The following KALRN variants were observed in gnomAD, a reference collection of about 807,000 sequenced individuals.
KALRN encodes the protein kalirin.
In KALRN, 70 loss-of-function variants were observed where a neutral mutation model predicts 353.7. The ratio of observed to expected loss-of-function variants is 0.20; its 90% CI spans 0.16 to 0.24. KALRN has a LOEUF of 0.24. KALRN is among the 10% of genes least tolerant of loss of function. KALRN has a pLI of 1.00. For synonymous variants in KALRN, 1,391 were observed against 1,434.8 expected, an observed-to-expected ratio of 0.97 and a Z score of 0.69; for missense variants, 2,791 against 3,756.7, an observed-to-expected ratio of 0.74 and a Z score of 6.72.
At chr3:124,626,690 G>A (rs1375301862) in intron 34 of KALRN, among the ~76,000 whole-genome samples, 1 of 152,212 alleles carries the variant, frequency 6.6e-6, no homozygotes, top group East Asian at 1.9e-4. Context: ...GCCTAGGGAT[G>A]CCTAGATGCT....
intron 34 of KALRN, among the ~76,000 whole-genome samples, chr3:124,565,004 C>T (rs950426930): frequency 3.9e-5 from 6 of 152,238 alleles, no homozygotes; most frequent in Admixed American, 3.9e-4. Context: ...GGACGAGGGT[C>T]AGCATGGAGA....
chr3:124,411,534 T>C (rs2092158856), intron 13 of KALRN, among the ~76,000 whole-genome samples: 1 of 140,896 alleles, frequency 7.1e-6, no homozygotes, highest in South Asian at 2.4e-4. Flanking sequence ...CTTGAACTCC[T>C]GGGCTCAAGT....
At chr3:124,235,089 A>G in intron 3 of KALRN, 146 bp downstream of exon 3, 1 of 630,596 alleles carries the variant, frequency 1.6e-6, no homozygotes, top group Non-Finnish European at 2.8e-6. Flanking sequence ...ACCATTGTCC[A>G]TTGTCTGCCT....
intron 34 of KALRN, among the ~76,000 whole-genome samples, chr3:124,590,557 T>C (rs188031764): frequency 1.2e-3 from 180 of 152,252 alleles, no homozygotes; most frequent in African/African-American, 4.1e-3. Context: ...TGATATTCTA[T>C]TTTGTGGTAT....
chr3:124,044,831 T>TTCCCTCCCTCCCTCCC (rs1326617518), intron 1 of KALRN, among the ~76,000 whole-genome samples: 1 of 32,824 alleles, frequency 3.0e-5, no homozygotes, highest in African/African-American at 7.7e-5. Context: ...CCTTCCTTCC[T>TTCCCTCCCTCCCTCCC]TCCCTCCCTC....
At chr3:124,291,382 T>C in intron 5 of KALRN, among the ~76,000 whole-genome samples, 1 of 152,214 alleles carries the variant, frequency 6.6e-6, no homozygotes, top group East Asian at 1.9e-4. Context: ...GCAGGGGATT[T>C]TTTTTTTACC....
At chr3:124,568,173 T>C (rs994029131) in intron 34 of KALRN, among the ~76,000 whole-genome samples, 6 of 152,118 alleles carry the variant, frequency 3.9e-5, no homozygotes, top group African/African-American at 1.4e-4. Flanking sequence ...AAAAACTAAA[T>C]TTAAAAATGG....
intron 10 of KALRN, among the ~76,000 whole-genome samples, chr3:124,357,923 C>A (rs1054720990): frequency 1.3e-5 from 2 of 152,290 alleles, no homozygotes. Flanking sequence ...GGGCGGATAT[C>A]AGGCCAGATG....
chr3:124,357,220 A>G (rs1484552372), intron 10 of KALRN, among the ~76,000 whole-genome samples: 3 of 152,024 alleles, frequency 2.0e-5, no homozygotes, highest in Non-Finnish European at 4.4e-5. Flanking sequence ...TTCCATCCCC[A>G]TTGCCACTGC....
chr3:124,358,275 C>T (rs1472196364), intron 10 of KALRN, among the ~76,000 whole-genome samples: 1 of 152,160 alleles, frequency 6.6e-6, no homozygotes, highest in Non-Finnish European at 1.5e-5. Context: ...TTTTCCCAGC[C>T]CCACTAATTT....
chr3:124,719,221 C>T lies in KALRN; in HGVS notation c.8712C>T (p.Phe2904=). Reference sequence around the variant, plus strand: ...ATTTCAGCTTCCCCCATGAATACTTCTGTGGTGTGAGCAATGCTGCCAGAG... The same window carrying T: ...ATTTCAGCTTCCCCCATGAATACTTTTGTGGTGTGAGCAATGCTGCCAGAG... The part of the protein sequence containing the change: ...RVDFSFPHEY[F]CGVSNAARDF... The change falls in exon 60 of 60, where the codon TTC becomes TTT. Residue 2904 remains phenylalanine (F), a synonymous_variant. Coordinates refer to ENST00000682506, the MANE Select transcript of KALRN (RefSeq NM_001388419.1). The surrounding 1 kb of genome is among the most constrained non-coding windows in gnomAD (Gnocchi z 5.3). The T allele has an allele frequency of 6.2e-7, 1 of 1,614,230 alleles. No homozygotes were observed. The highest frequency in any genetic ancestry group is 1.1e-5 in the South Asian group (1 of 91,084).
intron 1 of KALRN, among the ~76,000 whole-genome samples, chr3:124,183,932 G>A (rs755899000): frequency 9.9e-5 from 15 of 152,190 alleles, no homozygotes; most frequent in South Asian, 2.1e-4. Context: ...TAGGTCAAGA[G>A]AGATACAAAC....
chr3:124,559,272 G>A (rs2071648965), intron 33 of KALRN, among the ~76,000 whole-genome samples: 1 of 152,138 alleles, frequency 6.6e-6, no homozygotes, highest in South Asian at 2.1e-4. Context: ...TGGTCAGCAG[G>A]GGAACAGGCC....
intron 37 of KALRN, among the ~76,000 whole-genome samples, chr3:124,642,878 G>C (rs1025916367): frequency 7.2e-6 from 1 of 138,072 alleles, no homozygotes; most frequent in Non-Finnish European, 1.5e-5. Context: ...GTGCAATGGC[G>C]TGATCATGGC....
At chr3:124,159,306 TG>T (rs1309632222) in intron 1 of KALRN, among the ~76,000 whole-genome samples, 1 of 152,206 alleles carries the variant, frequency 6.6e-6, no homozygotes, top group Non-Finnish European at 1.5e-5. Context: ...GGTCTTAGTT[TG>T]TCACTCAAGC....
In KALRN at chr3:124,666,543, G is replaced by T. The variant is rs149338497; in HGVS notation, c.6440G>T (p.Arg2147Leu). Residue 2147 changes from arginine (R) to leucine (L), a missense_variant, in exon 46 of 60, where the codon CGC (arginine) becomes CTC (leucine). Transcript: ENST00000682506. Reference protein sequence around the residue: ...AGMQSRTKERRVFLFEQIVIF... With the variant: ...AGMQSRTKERLVFLFEQIVIF... ...ATGCAGTCCCGGACCAAAGAGAGGC[G>T]CGTGTTCCTCTTCGAGCAGATTGTC... 6.2e-7 allele frequency: 1 copy of T among 1,613,898 alleles called. No homozygotes were observed. The highest frequency in any genetic ancestry group is 2.2e-5 in the East Asian group (1 of 44,880).
intron 1 of KALRN, among the ~76,000 whole-genome samples, chr3:124,177,370 G>C (rs1464070934): frequency 6.6e-6 from 1 of 152,174 alleles, no homozygotes; most frequent in Non-Finnish European, 1.5e-5. Flanking sequence ...CTCCTTTTTA[G>C]CTCCCCAAAT....
intron 5 of KALRN, among the ~76,000 whole-genome samples, chr3:124,283,071 CAAAG>C (rs1192237491): frequency 6.6e-6 from 1 of 152,238 alleles, no homozygotes; most frequent in Non-Finnish European, 1.5e-5. Context: ...GAGGGGCTCC[CAAAG>C]AAAGAGCTGC....
chr3:124,301,015 G>A (rs2077225799), intron 6 of KALRN, among the ~76,000 whole-genome samples: 1 of 152,200 alleles, frequency 6.6e-6, no homozygotes, highest in South Asian at 2.1e-4. Flanking sequence ...TCCCTGGTGA[G>A]TTTTACAAAT....
Sources: gnomAD v4.1 joint callset for allele counts (sites outside exome capture counted in the v4.1 genomes callset) on GRCh38, gnomAD v4.1.1 for gene constraint, Gnocchi (gnomAD v3.1) non-coding constraint, MANE v1.5 for transcripts, NCBI Gene and HGNC (gene_info 2026-07-23, HGNC 2026-07-21) for gene names.